ZNF345: variants seen among roughly 807,000 people sequenced by gnomAD.
The protein encoded by ZNF345 is zinc finger protein 345.
For missense variants in ZNF345, 527 were observed against 589.9 expected, an observed-to-expected ratio of 0.89 and a Z score of 1.10; for synonymous variants, 166 against 187.9, an observed-to-expected ratio of 0.88 and a Z score of 0.95.
intron 2 of ZNF345, among the ~76,000 whole-genome samples, chr19:36,860,043 C>T (rs956619707): frequency 3.9e-5 from 6 of 152,070 alleles, no homozygotes; most frequent in African/African-American, 4.8e-5. Flanking sequence ...CTGCAAGTGC[C>T]GCCTCCTGGG....
intron 2 of ZNF345, among the ~76,000 whole-genome samples, chr19:36,869,397 T>C (rs1267887573): frequency 6.6e-6 from 1 of 152,146 alleles, no homozygotes; most frequent in Admixed American, 6.5e-5. Flanking sequence ...CCAAACACAT[T>C]GATATGTTCA....
chr19:36,852,128 C>CTTTTTTTTTTTTTTTTTTTTTTTTTTT (rs35747733), intron 2 of ZNF345, among the ~76,000 whole-genome samples: 10 of 102,674 alleles, frequency 9.7e-5, no homozygotes, highest in South Asian at 3.3e-4. Flanking sequence ...TTCTTTCTTT[C>CTTTTTTTTTTTTTTTTTTTTTTTTTTT]TTTTTTTTTT....
intron 2 of ZNF345, among the ~76,000 whole-genome samples, chr19:36,869,402 T>C (rs1462285465): frequency 2.6e-5 from 4 of 152,202 alleles, no homozygotes; most frequent in African/African-American, 9.7e-5. Context: ...CACATTGATA[T>C]GTTCACCAGT....
At chr19:36,885,159 A>G (rs918389176) in intron 3 of ZNF345, among the ~76,000 whole-genome samples, 1 of 152,050 alleles carries the variant, frequency 6.6e-6, no homozygotes, top group Non-Finnish European at 1.5e-5. Flanking sequence ...TAATGGGACT[A>G]TACTAATGTA....
chr19:36,851,066 G>C (rs2072250163), intron 1 of ZNF345, 98 bp downstream of exon 1: 1 of 152,738 alleles, frequency 6.5e-6, no homozygotes, highest in Non-Finnish European at 1.5e-5. Flanking sequence ...GAGTGTGTAC[G>C]GTTGTGACTG....
intron 2 of ZNF345, among the ~76,000 whole-genome samples, chr19:36,863,702 G>T (rs1308579826): frequency 6.6e-6 from 1 of 152,210 alleles, no homozygotes; most frequent in Non-Finnish European, 1.5e-5. Context: ...TTCTCAGATT[G>T]TGACTTGAAC....
intron 2 of ZNF345, among the ~76,000 whole-genome samples, chr19:36,873,472 C>A (rs1316550934): frequency 6.6e-6 from 1 of 152,128 alleles, no homozygotes; most frequent in Non-Finnish European, 1.5e-5. Context: ...CACATAGTTA[C>A]ACTTTTTGTG....
intron 2 of ZNF345, among the ~76,000 whole-genome samples, chr19:36,856,849 CAAAA>C (rs35856079): frequency 3.7e-5 from 4 of 106,798 alleles, no homozygotes; most frequent in Non-Finnish European, 3.8e-5. Context: ...GACTCCGTCT[CAAAA>C]AAAAAAAAAA....
chr19:36,883,748 C>A (rs554130193), downstream of ZNF345, among the ~76,000 whole-genome samples: 60 of 152,268 alleles, frequency 3.9e-4, no homozygotes, highest in African/African-American at 1.4e-3. Flanking sequence ...TACGCTGAAC[C>A]CTTTTTGTGT....
At chr19:36,875,779 G>C (rs1600715232) in intron 2 of ZNF345, among the ~76,000 whole-genome samples, 1 of 152,154 alleles carries the variant, frequency 6.6e-6, no homozygotes, top group African/African-American at 2.4e-5. Flanking sequence ...GGTGCCGAAT[G>C]TTTTCACTTT....
At chr19:36,865,037 A>G (rs543667038) in intron 2 of ZNF345, among the ~76,000 whole-genome samples, 1 of 152,168 alleles carries the variant, frequency 6.6e-6, no homozygotes, top group Non-Finnish European at 1.5e-5. Context: ...TTGTACTTTA[A>G]GAGCCGGGAG....
intron 3 of ZNF345, chr19:36,889,756 TCA>T (rs1165602892): frequency 2.6e-5 from 4 of 152,194 alleles, no homozygotes; most frequent in Non-Finnish European, 5.9e-5. Context: ...TCCTTTGTTC[TCA>T]GTCTCATTTT....
intron 3 of ZNF345, chr19:36,892,765 A>G (rs2073071169): frequency 4.3e-6 from 2 of 466,570 alleles, no homozygotes; most frequent in Non-Finnish European, 7.1e-6. Context: ...CATCCTCCAT[A>G]TTATAGAGAG....
rs1211649627 is a variant in ZNF345, at chr19:36,878,083, G to A, written c.1253G>A (p.Arg418Lys). 1 of 1,613,978 alleles carries A rather than the reference G, an allele frequency of 6.2e-7. No individual in the cohort carries two copies. The highest frequency in any genetic ancestry group is 1.3e-5 in the African/African-American group (1 of 74,908). ...SSGSALNRHQ[R>K]IHTGEKPYEC... ...GGTTCAGCTCTTAATCGGCACCAGAGAATACACACTGGTGAGAAACCCTAT... is the reference window on the plus strand; with the variant it reads ...GGTTCAGCTCTTAATCGGCACCAGAAAATACACACTGGTGAGAAACCCTAT... The change falls in exon 3 of 3, where the codon AGA becomes AAA. Residue 418 changes from arginine (R) to lysine (K), a missense_variant. Transcript: ENST00000420450.
At chr19:36,876,511 C>G (rs945434366) in intron 2 of ZNF345, among the ~76,000 whole-genome samples, 3 of 152,142 alleles carry the variant, frequency 2.0e-5, no homozygotes, top group Non-Finnish European at 4.4e-5. Flanking sequence ...AACTAAACTA[C>G]TATTTAAAAC....
Position 36,878,073 on chromosome 19 carries a change from C to G in ZNF345, c.1243C>G (p.Arg415Gly). Reference protein sequence around the residue: ...KSFSSGSALNRHQRIHTGEKP... With the variant: ...KSFSSGSALNGHQRIHTGEKP... ...CTTTAGTAGTGGTTCAGCTCTTAAT[C>G]GGCACCAGAGAATACACACTGGTGA... The change falls in exon 3 of 3, where the codon CGG becomes GGG. Residue 415 changes from arginine to glycine, a missense_variant. Physicochemically the swap from Arg to Gly is moderately radical, Grantham distance 125. Transcript: ENST00000420450. 1 of 1,613,928 alleles carries G rather than the reference C, an allele frequency of 6.2e-7. No homozygotes were observed.
At chr19:36,886,993 CAAAA>C (rs57034209) in intron 3 of ZNF345, among the ~76,000 whole-genome samples, 2 of 40,788 alleles carry the variant, frequency 4.9e-5, no homozygotes, top group African/African-American at 8.3e-5. Flanking sequence ...GACTCCGTCT[CAAAA>C]AAAAAAAAAA....
intron 2 of ZNF345, among the ~76,000 whole-genome samples, chr19:36,859,750 T>G (rs1383923681): frequency 3.3e-5 from 5 of 152,184 alleles, no homozygotes; most frequent in Non-Finnish European, 7.3e-5. Context: ...TTGAAACTTG[T>G]AGAAGTTAAA....
chr19:36,860,253 A>G (rs1158808347), intron 2 of ZNF345, among the ~76,000 whole-genome samples: 1 of 152,182 alleles, frequency 6.6e-6, no homozygotes, highest in Non-Finnish European at 1.5e-5. Context: ...CACCGCGTCC[A>G]GCTAAGTTGC....
Sources: allele counts gnomAD v4.1 joint callset (sites outside exome capture counted in the v4.1 genomes callset), GRCh38; gene constraint gnomAD v4.1.1; transcripts MANE v1.5; gene names NCBI Gene and HGNC (gene_info 2026-07-23, HGNC 2026-07-21).